CDH10: variants seen among roughly 807,000 people sequenced by gnomAD.
The protein encoded by CDH10 is cadherin-10.
A neutral mutation model predicts 73.1 loss-of-function variants in CDH10; 30 were observed. The observed-to-expected ratio is 0.41, with a 90% CI of 0.31 to 0.56. The LOEUF (loss-of-function observed/expected upper bound fraction) is 0.56, where lower values mean the gene tolerates loss of function less well. Among genes scored for constraint, CDH10 ranks in the 20% least tolerant of loss-of-function variants. The pLI, the probability that CDH10 is intolerant of heterozygous loss-of-function variation, is 0.27. For missense variants in CDH10, 815 were observed against 973.7 expected, an observed-to-expected ratio of 0.84 and a Z score of 2.17; for synonymous variants, 345 against 348.2, an observed-to-expected ratio of 0.99 and a Z score of 0.10.
intron 1 of CDH10, among the ~76,000 whole-genome samples, chr5:24,603,480 AT>A (rs1189473542): frequency 1.3e-5 from 2 of 152,228 alleles, no homozygotes; most frequent in Non-Finnish European, 2.9e-5. Flanking sequence ...AAAACATATA[AT>A]ACATCATGAC....
intron 2 of CDH10, among the ~76,000 whole-genome samples, chr5:24,575,355 C>CAAAAAAAAAAAAAAAAAAAACA (rs751333761): frequency 8.1e-6 from 1 of 123,850 alleles, no homozygotes; most frequent in African/African-American, 3.4e-5. Flanking sequence ...ACAAAAACAA[C>CAAAAAAAAAAAAAAAAAAAACA]AAAAAAAAAA....
chr5:24,570,401 G>C (rs184658300), intron 2 of CDH10, among the ~76,000 whole-genome samples: 4 of 152,144 alleles, frequency 2.6e-5, no homozygotes. Context: ...GTTAGTGTCG[G>C]ATAGAAGTGG....
intron 1 of CDH10, among the ~76,000 whole-genome samples, chr5:24,625,580 T>C (rs1747467261): frequency 2.0e-5 from 3 of 146,358 alleles, no homozygotes; most frequent in Middle Eastern, 7.2e-3. Flanking sequence ...TATACATATA[T>C]TCATATATAT....
At chr5:24,592,468 C>T (rs1746231875) in intron 2 of CDH10, among the ~76,000 whole-genome samples, 1 of 151,712 alleles carries the variant, frequency 6.6e-6, no homozygotes, top group Non-Finnish European at 1.5e-5. Flanking sequence ...GCTCTCAAGT[C>T]AACTAAGCCT....
At chr5:24,595,210 A>G (rs1414150857) in intron 1 of CDH10, among the ~76,000 whole-genome samples, 1 of 151,926 alleles carries the variant, frequency 6.6e-6, no homozygotes, top group Non-Finnish European at 1.5e-5. Context: ...TTTGAGAACC[A>G]AAAGGATTGA....
chr5:24,552,291 G>C (rs59076464), intron 2 of CDH10, among the ~76,000 whole-genome samples: 7,451 of 151,782 alleles, frequency 0.049, 340 homozygotes, highest in African/African-American at 0.12. Flanking sequence ...TCTTTTTATG[G>C]GAATAATCAC....
chr5:24,591,722 C>G (rs963818974), intron 2 of CDH10, among the ~76,000 whole-genome samples: 2 of 151,744 alleles, frequency 1.3e-5, no homozygotes, highest in African/African-American at 2.4e-5. Flanking sequence ...TCTCTTACTA[C>G]TCTAAGAGAT....
chr5:24,505,350 A>G (rs963425811), intron 7 of CDH10, 102 bp from the exon 8 acceptor site: 1 of 903,102 alleles, frequency 1.1e-6, no homozygotes, highest in African/African-American at 1.7e-5. Context: ...TAATTACAGG[A>G]AAGAACACAG....
chr5:24,587,303 A>AT (rs1746057033), intron 2 of CDH10, among the ~76,000 whole-genome samples: 2 of 152,244 alleles, frequency 1.3e-5, no homozygotes, highest in Non-Finnish European at 2.9e-5. Flanking sequence ...ATTATGAGAC[A>AT]TTGATGAGCA....
At position 24,537,517 on chromosome 5, in the gene CDH10, T is replaced by C; in HGVS notation, c.389A>G (p.Gln130Arg). 1.2e-6 allele frequency: 2 copies of C among 1,613,366 alleles called. No homozygotes were observed. Among genetic ancestry groups the C allele is most frequent in the Non-Finnish European group, 1.7e-6 (2 of 1,179,536 alleles). ...EEKAFYTLRA[Q>R]AINRRTLRPV... ...CCTCAGAGTTCTTCTGTTAATAGCTTGTGCGCGTAGAGTATAAAAGGCCTT... is the reference window on the plus strand; with the variant it reads ...CCTCAGAGTTCTTCTGTTAATAGCTCGTGCGCGTAGAGTATAAAAGGCCTT... Residue 130 changes from glutamine (Q) to arginine (R), a missense_variant, in exon 3 of 12, where the codon CAA becomes CGA. Coordinates refer to ENST00000264463, the MANE Select transcript of CDH10 (RefSeq NM_006727.5).
rs1025726081 is a variant in CDH10, at chr5:24,635,017, A to C, written c.-124+9577T>G. On this transcript the variant is annotated intron_variant, in intron 1 of 11. Coordinates refer to ENST00000264463, the MANE Select transcript of CDH10 (RefSeq NM_006727.5). ...AGAGCCAAAAAAGGAAAAAAAAAAA[A>C]CAGAAACAGTGGTTTCAAATTGATC... 2.3e-4 allele frequency among the ~76,000 whole-genome samples: 34 copies of C among 144,802 alleles called. No individual in the cohort carries two copies. In the South Asian group the frequency reaches 5.3e-3, roughly 22 times the overall value. 95.0% of individuals were successfully genotyped at this position (144,802 alleles called of 152,430 possible).
intron 2 of CDH10, among the ~76,000 whole-genome samples, chr5:24,577,188 C>A (rs2112042698): frequency 6.6e-6 from 1 of 151,872 alleles, no homozygotes; most frequent in African/African-American, 2.4e-5. Flanking sequence ...TGAGAAAGGT[C>A]ATTAGGGAAG....
chr5:24,549,655 G>A (rs570943174), intron 2 of CDH10, among the ~76,000 whole-genome samples: 108 of 150,276 alleles, frequency 7.2e-4, no homozygotes, highest in Non-Finnish European at 1.4e-3. Flanking sequence ...GGGTTCAAGC[G>A]ATTCTCCTGC....
intron 2 of CDH10, among the ~76,000 whole-genome samples, chr5:24,545,621 T>G (rs1744310764): frequency 6.6e-6 from 1 of 151,896 alleles, no homozygotes. Context: ...TCAAGACCAG[T>G]CTAGGCAACA....
At chr5:24,558,043 G>T (rs1039260616) in intron 2 of CDH10, among the ~76,000 whole-genome samples, 1 of 151,668 alleles carries the variant, frequency 6.6e-6, no homozygotes, top group Non-Finnish European at 1.5e-5. Flanking sequence ...AATTCCAAGT[G>T]ATATTAAGTA....
At chr5:24,510,568 G>T (rs1579737939) in intron 6 of CDH10, among the ~76,000 whole-genome samples, 1 of 152,078 alleles carries the variant, frequency 6.6e-6, no homozygotes, top group African/African-American at 2.4e-5. Flanking sequence ...TTGTATTACT[G>T]CTGCTGTCTG....
intron 2 of CDH10, among the ~76,000 whole-genome samples, chr5:24,579,713 T>G (rs1012355953): frequency 1.1e-4 from 16 of 152,190 alleles, no homozygotes; most frequent in African/African-American, 3.9e-4. Context: ...GAGGTTTTCC[T>G]GCAGCTCAAG....
rs147756378 is a variant in CDH10 at position 24,624,471 on chromosome 5, G to C, written c.-124+20123C>G. On this transcript the variant is annotated intron_variant, in intron 1 of 11. Transcript: ENST00000264463. ...AGACATGTAAAGAGACTAATGATGA[G>C]GTGACACACTGGGTATGGTGATCTC... 1.4e-3 allele frequency among the ~76,000 whole-genome samples: 217 copies of C among 152,176 alleles called. 3 individuals carry two copies. Among genetic ancestry groups the C allele is most frequent in the African/African-American group, 5.0e-3 (206 of 41,524 alleles).
At chr5:24,632,134 T>C (rs1269026323) in intron 1 of CDH10, among the ~76,000 whole-genome samples, 1 of 152,098 alleles carries the variant, frequency 6.6e-6, no homozygotes, top group Non-Finnish European at 1.5e-5. Flanking sequence ...GAAGTAGATA[T>C]TTCTAGCTAA....
Sources: gnomAD v4.1 joint callset for allele counts (sites outside exome capture counted in the v4.1 genomes callset) on GRCh38, gnomAD v4.1.1 for gene constraint, MANE v1.5 for transcripts, NCBI Gene and HGNC (gene_info 2026-07-23, HGNC 2026-07-21) for gene names.